Variants in USH2A observed in about 807,000 individuals in gnomAD.
USH2A encodes the protein usherin.
Under a neutral mutation model 538.9 loss-of-function variants are expected in USH2A, and 443 were observed. That is an observed-to-expected ratio of 0.82 (90% CI 0.76 to 0.89). The LOEUF (loss-of-function observed/expected upper bound fraction) is 0.89, where lower values mean the gene tolerates loss of function less well. USH2A is among the 40% of genes least tolerant of loss of function. The pLI is 0.00. For missense variants in USH2A, 6,633 were observed against 6,324.8 expected, an observed-to-expected ratio of 1.05 and a Z score of -1.65; for synonymous variants, 2,413 against 2,273.5, an observed-to-expected ratio of 1.06 and a Z score of -1.75.
intron 58 of USH2A, among the ~76,000 whole-genome samples, chr1:215,750,758 C>T (rs147630207): frequency 1.3e-5 from 2 of 152,144 alleles, no homozygotes; most frequent in African/African-American, 2.4e-5. Flanking sequence ...TGCTCTGACA[C>T]CTGCTTGAAG....
At chr1:215,976,487 T>G (rs1392645272) in intron 35 of USH2A, among the ~76,000 whole-genome samples, 1 of 152,144 alleles carries the variant, frequency 6.6e-6, no homozygotes, top group Non-Finnish European at 1.5e-5. Context: ...TATGTTCTTT[T>G]GATGCCTACT....
rs1572045813 is a variant in USH2A, at chr1:216,201,998, T to G, written c.3317-1877A>C. Among the ~76,000 whole-genome samples the G allele has an allele frequency of 2.0e-5, 3 of 152,314 alleles. No individual in the cohort carries two copies. The South Asian group carries it at 6.2e-4, about 32-fold the overall frequency. Reference sequence around the variant, plus strand: ...TAGAGAGCGTGCAGCTGTGGCTCATTGTTATTTCAATAAATATTTACTAGA... The same window carrying G: ...TAGAGAGCGTGCAGCTGTGGCTCATGGTTATTTCAATAAATATTTACTAGA... On this transcript the variant is annotated intron_variant, in intron 16 of 71. Transcript: ENST00000307340.
At chr1:216,381,443 A>C (rs1469005448) in intron 3 of USH2A, among the ~76,000 whole-genome samples, 1 of 152,118 alleles carries the variant, frequency 6.6e-6, no homozygotes, top group African/African-American at 2.4e-5. Flanking sequence ...GGAAGGAGGT[A>C]ATCACATTTA....
rs140439533 is a variant in USH2A at position 215,700,906 on chromosome 1, T to C, written c.12067-20530A>G. The stretch of plus-strand genomic sequence containing the variant: ...TTCTTTTAATTGTGATGTTAGGGTG[T>C]TGATTTTAGATCTTTCCTGCTTTCT... On this transcript the variant is annotated intron_variant, in intron 61 of 71. Coordinates refer to ENST00000307340, the MANE Select transcript of USH2A (RefSeq NM_206933.4). 6.0e-3 allele frequency among the ~76,000 whole-genome samples: 917 copies of C among 152,322 alleles called. 12 individuals are homozygous for C. Among genetic ancestry groups the C allele is most frequent in the African/African-American group, 0.02 (844 of 41,576 alleles).
At chr1:216,152,610 G>A (rs568509803) in intron 21 of USH2A, among the ~76,000 whole-genome samples, 1 of 152,194 alleles carries the variant, frequency 6.6e-6, no homozygotes, top group African/African-American at 2.4e-5. Flanking sequence ...GACTCAGCCC[G>A]CCTGCACCCA....
At chr1:216,132,556 A>G (rs1371617693) in intron 21 of USH2A, among the ~76,000 whole-genome samples, 1 of 152,046 alleles carries the variant, frequency 6.6e-6, no homozygotes, top group African/African-American at 2.4e-5. Flanking sequence ...CCACTCTTCT[A>G]ACTCTCTCAG....
At chr1:216,397,994 T>G (rs143450180) in intron 3 of USH2A, among the ~76,000 whole-genome samples, 1 of 152,214 alleles carries the variant, frequency 6.6e-6, no homozygotes, top group Non-Finnish European at 1.5e-5. Context: ...TTGATCTGAA[T>G]AGACTTCGCA....
At chr1:216,140,909 T>C (rs1013693342) in intron 21 of USH2A, among the ~76,000 whole-genome samples, 3 of 152,164 alleles carry the variant, frequency 2.0e-5, no homozygotes, top group African/African-American at 7.2e-5. Context: ...TCCTTCAAGT[T>C]TTTCCCAGCA....
At chr1:215,752,579 T>C (rs539824034) in intron 58 of USH2A, among the ~76,000 whole-genome samples, 1 of 152,308 alleles carries the variant, frequency 6.6e-6, no homozygotes, top group South Asian at 2.1e-4. Flanking sequence ...GTCTATTCCT[T>C]CTAGAATGTG....
intron 21 of USH2A, chr1:216,174,220 T>C (rs1323923403): frequency 1.0e-6 from 1 of 985,140 alleles, no homozygotes; most frequent in Non-Finnish European, 1.2e-6. Context: ...ACATATGCAA[T>C]ATTTTAAAGA....
At chr1:216,414,516 T>C (rs2039545425) in intron 3 of USH2A, among the ~76,000 whole-genome samples, 2 of 152,046 alleles carry the variant, frequency 1.3e-5, no homozygotes, top group African/African-American at 4.8e-5. Flanking sequence ...TAAAATAATT[T>C]TTTTTCTGAT....
intron 4 of USH2A, among the ~76,000 whole-genome samples, chr1:216,335,679 T>C (rs1305570947): frequency 1.3e-5 from 2 of 151,464 alleles, no homozygotes; most frequent in African/African-American, 4.8e-5. Context: ...CTAGATAAAA[T>C]AGACAAATTC....
intron 14 of USH2A, among the ~76,000 whole-genome samples, chr1:216,228,751 G>A (rs1303393692): frequency 6.6e-6 from 1 of 152,110 alleles, no homozygotes; most frequent in Non-Finnish European, 1.5e-5. Flanking sequence ...ATACAGGGAT[G>A]GAAGAAAAGT....
At chr1:215,629,869 G>A (rs1481402325) in intron 70 of USH2A, among the ~76,000 whole-genome samples, 1 of 146,554 alleles carries the variant, frequency 6.8e-6, no homozygotes, top group Non-Finnish European at 1.5e-5. Flanking sequence ...TCCGCCTCCC[G>A]GGTTCACGCC....
In USH2A at chr1:216,097,223, C is replaced by G. The variant is rs2032462249; in HGVS notation, c.4628-10G>C. On this transcript the variant is annotated splice_polypyrimidine_tract_variant and intron_variant, in intron 21 of 71. Coordinates refer to ENST00000307340, the MANE Select transcript of USH2A (RefSeq NM_206933.4). ...AAGCTGGCCTTAATGCCTGGTAAGA[C>G]AAGTGTGATCAGCAAATCAGTGCTG... 1 of 1,613,934 alleles carries G rather than the reference C, an allele frequency of 6.2e-7. No individual in the cohort carries two copies. Among genetic ancestry groups the G allele is most frequent in the Admixed American group, 1.7e-5 (1 of 59,984 alleles).
chr1:216,267,831 C>T (rs949825284), intron 11 of USH2A, among the ~76,000 whole-genome samples: 5 of 152,126 alleles, frequency 3.3e-5, no homozygotes, highest in African/African-American at 1.2e-4. Flanking sequence ...TGCACCTTTA[C>T]ATCATCCATT....
At chr1:216,265,855 A>G (rs896994956) in intron 11 of USH2A, among the ~76,000 whole-genome samples, 9 of 152,062 alleles carry the variant, frequency 5.9e-5, no homozygotes, top group African/African-American at 1.7e-4. Context: ...AGTTGATCTC[A>G]TGAAAGTAGA....
chr1:216,072,476 C>G, intron 29 of USH2A: 1 of 280,406 alleles, frequency 3.6e-6, no homozygotes, highest in Non-Finnish European at 6.9e-6. Flanking sequence ...TTGCAGGTTT[C>G]AAATGTGCTT....
At chr1:216,054,567 AAAGC>A (rs1334219304) in intron 30 of USH2A, among the ~76,000 whole-genome samples, 1 of 152,144 alleles carries the variant, frequency 6.6e-6, no homozygotes, top group Non-Finnish European at 1.5e-5. Flanking sequence ...CCTAAGACAC[AAAGC>A]AAAATGGATC....
Sources: allele counts gnomAD v4.1 joint callset (sites outside exome capture counted in the v4.1 genomes callset), GRCh38; gene constraint gnomAD v4.1.1; transcripts MANE v1.5; gene names NCBI Gene and HGNC (gene_info 2026-07-23, HGNC 2026-07-21).